Variants in TLE4 observed in about 807,000 individuals in gnomAD.
The protein encoded by TLE4 is transducin-like enhancer protein 4.
In TLE4, 8 loss-of-function variants were observed where a neutral mutation model predicts 92.8. The ratio of observed to expected loss-of-function variants is 0.09; its 90% confidence interval spans 0.05 to 0.16. The LOEUF is 0.16. Ranked by LOEUF, TLE4 falls within the 10% of genes least tolerant of loss-of-function variation. TLE4 has a pLI of 1.00. For synonymous variants in TLE4, 371 were observed against 374.1 expected, an observed-to-expected ratio of 0.99 and a Z score of 0.10; for missense variants, 675 against 997.6, an observed-to-expected ratio of 0.68 and a Z score of 4.36.
chr9:79,587,580 G>A (rs568408637), intron 4 of TLE4, among the ~76,000 whole-genome samples: 1 of 152,230 alleles, frequency 6.6e-6, no homozygotes, highest in African/African-American at 2.4e-5. Context: ...AGGAAATACA[G>A]CCAGGTTTTT....
At chr9:79,705,775 CTG>C in intron 9 of TLE4, 112 bp from the exon 10 acceptor site, 2 of 1,033,122 alleles carry the variant, frequency 1.9e-6, no homozygotes, top group East Asian at 2.4e-5. Flanking sequence ...GTATTTAACA[CTG>C]TTTGGTACAG....
chr9:79,581,706 C>G (rs1336647140), intron 4 of TLE4, among the ~76,000 whole-genome samples: 1 of 152,166 alleles, frequency 6.6e-6, no homozygotes, highest in African/African-American at 2.4e-5. Context: ...GGATTCAGGA[C>G]TTCAAATAAA....
chr9:79,628,416 G>A (rs765069471), intron 6 of TLE4, among the ~76,000 whole-genome samples: 22 of 151,878 alleles, frequency 1.4e-4, no homozygotes, highest in Non-Finnish European at 2.9e-4. Flanking sequence ...GATAAGGGTC[G>A]CCTGATAATC....
At chr9:79,666,899 T>C (rs2061490160) in intron 8 of TLE4, among the ~76,000 whole-genome samples, 1 of 152,210 alleles carries the variant, frequency 6.6e-6, no homozygotes, top group Non-Finnish European at 1.5e-5. Context: ...GAGGCCCTCA[T>C]ACCATACACT....
intron 5 of TLE4, among the ~76,000 whole-genome samples, chr9:79,620,044 G>A (rs1402854673): frequency 6.6e-6 from 1 of 152,164 alleles, no homozygotes; most frequent in African/African-American, 2.4e-5. Context: ...TTCTCAGGAG[G>A]TAGAACTTTT....
At chr9:79,618,252 C>G (rs1339682990) in intron 5 of TLE4, among the ~76,000 whole-genome samples, 1 of 152,212 alleles carries the variant, frequency 6.6e-6, no homozygotes, top group Non-Finnish European at 1.5e-5. Context: ...AATGGTTTAT[C>G]TTTACATAAC....
At position 79,689,725 on chromosome 9, in the gene TLE4, C is replaced by G. The variant is rs181481249; in HGVS notation, c.610-15058C>G. On this transcript the variant is annotated intron_variant, in intron 8 of 19. Transcript: ENST00000376552. ...GGGATTTGTTGCTGAGCTAATTGTG[C>G]TCTCAGAAAGGATGAAGGTGACTTG... 2.6e-5 allele frequency among the ~76,000 whole-genome samples: 4 copies of G among 152,292 alleles called. No individual in the cohort carries two copies. In the East Asian group the frequency reaches 7.7e-4, roughly 29 times the overall value.
At chr9:79,714,811 G>A (rs1325121105) in intron 14 of TLE4, among the ~76,000 whole-genome samples, 1 of 152,196 alleles carries the variant, frequency 6.6e-6, no homozygotes, top group African/African-American at 2.4e-5. Flanking sequence ...AACACATTGT[G>A]CATTAAATTA....
chr9:79,606,712 T>C (rs571436758), intron 4 of TLE4, among the ~76,000 whole-genome samples: 1 of 152,250 alleles, frequency 6.6e-6, no homozygotes, highest in South Asian at 2.1e-4. Context: ...GAACTCGTCT[T>C]TTTTTATGGC....
Position 79,603,833 on chromosome 9 carries a change from A to G in TLE4, c.253-8823A>G, listed in dbSNP as rs368694316. The stretch of plus-strand genomic sequence containing the variant: ...CTTTGACATACCAGCCACTGGGGCT[A>G]TAAGACAAAGCTATCTGCCATGGAG... On this transcript the variant is annotated intron_variant, in intron 4 of 19. Transcript: ENST00000376552. 1.1e-4 allele frequency among the ~76,000 whole-genome samples: 16 copies of G among 152,190 alleles called. 1 individual carries two copies. The East Asian group carries it at 1.4e-3, about 13-fold the overall frequency.
intron 8 of TLE4, among the ~76,000 whole-genome samples, chr9:79,681,730 TC>T (rs2135286819): frequency 6.6e-6 from 1 of 150,744 alleles, no homozygotes; most frequent in South Asian, 2.1e-4. Context: ...CTTAACTACT[TC>T]CTGGAGGCAG....
rs540282570 is a variant in TLE4, at chr9:79,696,424, A to T, written c.610-8359A>T. 1.2e-4 allele frequency among the ~76,000 whole-genome samples: 18 copies of T among 152,302 alleles called. No homozygotes were observed. In the East Asian group the frequency reaches 3.5e-3, roughly 29 times the overall value. ...AAAACTGTTTAGCCCTTTTGTGGTG[A>T]TATGAAGAAGACCAGAGTTCCTGAT... On this transcript the variant is annotated intron_variant, in intron 8 of 19. Transcript: ENST00000376552.
chr9:79,578,007 A>G (rs1451488617), intron 4 of TLE4, among the ~76,000 whole-genome samples: 16 of 152,150 alleles, frequency 1.1e-4, no homozygotes. Flanking sequence ...TTTAAATTCA[A>G]TCATATCAAG....
intron 4 of TLE4, among the ~76,000 whole-genome samples, chr9:79,586,979 CT>C (rs1365018712): frequency 6.6e-6 from 1 of 152,070 alleles, no homozygotes; most frequent in African/African-American, 2.4e-5. Context: ...TAGTTATACT[CT>C]TTTAGTTACT....
At chr9:79,625,246 C>G (rs1465977572) in intron 5 of TLE4, among the ~76,000 whole-genome samples, 1 of 151,692 alleles carries the variant, frequency 6.6e-6, no homozygotes, top group Non-Finnish European at 1.5e-5. Flanking sequence ...GTCTCGATCT[C>G]CTGACCTCGT....
intron 6 of TLE4, among the ~76,000 whole-genome samples, chr9:79,633,473 A>C (rs946895669): frequency 6.6e-6 from 1 of 152,150 alleles, no homozygotes. Context: ...TCAAAGTGTT[A>C]TAAGAGTTGC....
chr9:79,691,353 T>C (rs2067040965), intron 8 of TLE4, among the ~76,000 whole-genome samples: 1 of 152,222 alleles, frequency 6.6e-6, no homozygotes, highest in Admixed American at 6.5e-5. Context: ...AAGGTTTATA[T>C]TGTACACTTA....
rs2071726397 is a variant in TLE4 at position 79,706,866 on chromosome 9, T to C, written c.903T>C (p.Ser301=). 3 of 1,614,096 alleles carry C rather than the reference T, an allele frequency of 1.9e-6. No individual in the cohort carries two copies. Among genetic ancestry groups the C allele is most frequent in the Non-Finnish European group, 2.5e-6 (3 of 1,180,042 alleles). The change falls in exon 11 of 20, where the codon AGT becomes AGC. Residue 301 remains serine, a synonymous_variant. Coordinates refer to ENST00000376552, the MANE Select transcript of TLE4 (RefSeq NM_007005.6). ...ISPASIASSS[S]TPSSKSKELS... ...CAGCCTCTATTGCATCTTCCAGCAG[T>C]ACTCCCTCCTCCAAATCCAAAGAAC...
Position 79,666,745 on chromosome 9 carries a change from C to T in TLE4, c.609+12670C>T, listed in dbSNP as rs2061468395. Among the ~76,000 whole-genome samples the T allele has an allele frequency of 3.3e-5, 5 of 152,232 alleles. No homozygotes were observed. The South Asian group carries it at 8.3e-4, about 25-fold the overall frequency. ...TGAAAATGTTTAGGGGAAAAAAATGCTGCTTGTTTTCTTAGACACACAACA... is the reference window on the plus strand; with the variant it reads ...TGAAAATGTTTAGGGGAAAAAAATGTTGCTTGTTTTCTTAGACACACAACA... On this transcript the variant is annotated intron_variant, in intron 8 of 19. Transcript: ENST00000376552.
Sources: gnomAD v4.1 joint callset for allele counts (sites outside exome capture counted in the v4.1 genomes callset) on GRCh38, gnomAD v4.1.1 for gene constraint, MANE v1.5 for transcripts, NCBI Gene and HGNC (gene_info 2026-07-23, HGNC 2026-07-21) for gene names.